CREB3L1: variants seen among roughly 807,000 people sequenced by gnomAD.
The protein encoded by CREB3L1 is cyclic AMP-responsive element-binding protein 3-like protein 1.
CREB3L1 carries 33 observed loss-of-function variants against 54.5 expected under a neutral mutation model. That is an observed-to-expected ratio of 0.61 (90% confidence interval 0.46 to 0.81). The LOEUF (loss-of-function observed/expected upper bound fraction) is 0.81. Among genes scored for constraint, CREB3L1 ranks in the 30% least tolerant of loss-of-function variants. CREB3L1 has a pLI of 0.00. For missense variants in CREB3L1, 656 were observed against 673.3 expected, an observed-to-expected ratio of 0.97 and a Z score of 0.29; for synonymous variants, 284 against 286.4, an observed-to-expected ratio of 0.99 and a Z score of 0.08.
rs879070508 is a variant in CREB3L1 at position 46,321,392 on chromosome 11, CAAAAA to C, written c.*659_*663del. The C allele has an allele frequency of 4.4e-5, 6 of 137,854 alleles. No homozygotes were observed. The highest frequency in any genetic ancestry group is 2.6e-3 in the Middle Eastern group (1 of 386). 8.5% of individuals were successfully genotyped at this position (137,854 alleles called of 1,614,324 possible). Reference sequence around the variant, plus strand: ...AGCACATGCTTTAAGAAAGCAAAACCAAAAAAAAAAAAAAAAAGATGCAGCATCAA... The same window carrying C: ...AGCACATGCTTTAAGAAAGCAAAACCAAAAAAAAAAAAGATGCAGCATCAA... On this transcript the variant is annotated 3_prime_UTR_variant, in exon 12 of 12. Coordinates refer to ENST00000621158, the MANE Select transcript of CREB3L1 (RefSeq NM_052854.4).
chr11:46,301,670 A>C (rs984112679), intron 2 of CREB3L1, among the ~76,000 whole-genome samples: 3 of 151,818 alleles, frequency 2.0e-5, no homozygotes, highest in Non-Finnish European at 4.4e-5. Flanking sequence ...CCCAAAAAAA[A>C]AAAATAGACG....
At chr11:46,280,935 G>T (rs1471356617) in intron 1 of CREB3L1, among the ~76,000 whole-genome samples, 1 of 152,188 alleles carries the variant, frequency 6.6e-6, no homozygotes, top group Non-Finnish European at 1.5e-5. Context: ...TAAATCATGT[G>T]GAAATCATGT....
At chr11:46,318,058 A>T (rs761498927) in intron 10 of CREB3L1, among the ~76,000 whole-genome samples, 8 of 152,202 alleles carry the variant, frequency 5.3e-5, no homozygotes, top group Non-Finnish European at 1.2e-4. Context: ...CTCTACTAAA[A>T]ATACAAAACT....
chr11:46,288,598 A>C (rs1430801643), intron 1 of CREB3L1, among the ~76,000 whole-genome samples: 4 of 152,110 alleles, frequency 2.6e-5, no homozygotes, highest in African/African-American at 9.7e-5. Flanking sequence ...CTTTGGGTAA[A>C]GCCAAAAAGC....
chr11:46,304,407 G>A (rs1939347834), intron 2 of CREB3L1, among the ~76,000 whole-genome samples: 1 of 152,148 alleles, frequency 6.6e-6, no homozygotes, highest in Non-Finnish European at 1.5e-5. Context: ...GGAGGCAGAG[G>A]TTGCGGTGAA....
In CREB3L1 at chr11:46,278,443, G is replaced by C. The variant is rs1938913386; in HGVS notation, c.102+230G>C. On this transcript the variant is annotated intron_variant, in intron 1 of 11. Transcript: ENST00000621158. This position sits in a 1 kb window ranked among gnomAD's most constrained non-coding sequence, Gnocchi z 4.2. ...AGGGGGAAGGGGCCATCGAGGTATC[G>C]GGTCCGTCCGATCCTCGGATCTGAG... is the stretch of plus-strand genomic sequence containing the variant. Among the ~76,000 whole-genome samples, 1 of 152,316 alleles carries C rather than the reference G, an allele frequency of 6.6e-6. No homozygotes were observed. Among genetic ancestry groups the C allele is most frequent in the Admixed American group, 6.5e-5 (1 of 15,306 alleles).
chr11:46,309,991 C>T lies in CREB3L1; in HGVS notation c.519C>T (p.Ala173=), dbSNP rs1168717615. ...AGCTGGGCTTGTCTGTTCCTCAGGC[C>T]CCGGGAGAGATGACTCAGCTGCCAG... ...PLSRLPIPHQ[A]PGEMTQLPVI... Residue 173 remains alanine (A), a splice_region_variant and synonymous_variant, in exon 4 of 12, where the codon GCC becomes GCT. Coordinates refer to ENST00000621158, the MANE Select transcript of CREB3L1 (RefSeq NM_052854.4). The T allele has an allele frequency of 6.3e-7, 1 of 1,598,590 alleles. No homozygotes were observed. The highest frequency in any genetic ancestry group is 1.1e-5 in the South Asian group (1 of 87,886).
chr11:46,310,348 A>T (rs938959682), intron 4 of CREB3L1, among the ~76,000 whole-genome samples: 5 of 151,324 alleles, frequency 3.3e-5, no homozygotes, highest in Admixed American at 3.3e-4. Flanking sequence ...GCTCACTGCA[A>T]CCTCCCCATC....
intron 1 of CREB3L1, among the ~76,000 whole-genome samples, chr11:46,297,030 T>C (rs1939220649): frequency 6.6e-6 from 1 of 152,178 alleles, no homozygotes; most frequent in Admixed American, 6.5e-5. Flanking sequence ...CAAACCCTTA[T>C]CGCCTGAGAA....
At chr11:46,315,203 C>T (rs1440643272) in intron 8 of CREB3L1, 1 of 334,994 alleles carries the variant, frequency 3.0e-6, no homozygotes, top group South Asian at 2.8e-5. Context: ...CTCCTCTGTT[C>T]CCTGATTGGC....
intron 1 of CREB3L1, among the ~76,000 whole-genome samples, chr11:46,281,271 C>G (rs1343823719): frequency 2.0e-5 from 3 of 152,144 alleles, no homozygotes; most frequent in African/African-American, 7.2e-5. Context: ...TCCTTCAGCC[C>G]CTTGGCCAGT....
At position 46,316,254 on chromosome 11, in the gene CREB3L1, A is replaced by T. The variant is rs752726691; in HGVS notation, c.1032-32A>T. ...GAGGCAGAGATGCCTGCGGGGTCAA[A>T]GCCTGCCAGCTGACTGCTGTGCCCT... is the stretch of plus-strand genomic sequence containing the variant. On this transcript the variant is annotated intron_variant, in intron 8 of 11. Coordinates refer to ENST00000621158, the MANE Select transcript of CREB3L1 (RefSeq NM_052854.4). The T allele has an allele frequency of 1.5e-5, 21 of 1,441,070 alleles. No homozygotes were observed. In the East Asian group the frequency reaches 5.0e-4, roughly 34 times the overall value. The allele number at this position is 1,441,070 out of a possible 1,614,324, so 89.3% of individuals were successfully genotyped here. A position where few individuals can be genotyped will look rare whatever the true frequency, so the allele number is the denominator to read the frequency against.
chr11:46,314,485 T>TC (rs1196574351), intron 8 of CREB3L1, among the ~76,000 whole-genome samples: 2 of 151,882 alleles, frequency 1.3e-5, no homozygotes, highest in East Asian at 1.9e-4. Context: ...CTCCTGATTC[T>TC]CCCCCCTCAA....
At position 46,320,327 on chromosome 11, in the gene CREB3L1, C is replaced by A; in HGVS notation, c.1322C>A (p.Thr441Asn). 6.2e-7 allele frequency: 1 copy of A among 1,612,854 alleles called. No homozygotes were observed. ...GGCTTATGGGAAGATGGCCGCAGCA[C>A]CCTGCTGCCCATGGAGCCCCCAGAT... ...GAGLWEDGRS[T>N]LLPMEPPDGW... is the part of the protein sequence containing the mutation. Residue 441 changes from threonine to asparagine, a missense_variant, in exon 11 of 12, where the codon ACC becomes AAC. Transcript: ENST00000621158.
At chr11:46,292,442 G>A (rs2136340085) in intron 1 of CREB3L1, among the ~76,000 whole-genome samples, 1 of 152,322 alleles carries the variant, frequency 6.6e-6, no homozygotes, top group Admixed American at 6.5e-5. Context: ...ACCAATGCTA[G>A]GCTTTGCAGA....
intron 4 of CREB3L1, 134 bp downstream of exon 4, chr11:46,310,201 C>A: frequency 1.5e-6 from 1 of 659,240 alleles, no homozygotes; most frequent in Non-Finnish European, 2.7e-6. Flanking sequence ...CCCTGCCCTA[C>A]CCACTGTCCC....
rs1939645476 is a variant in CREB3L1 at position 46,321,026 on chromosome 11, C to A, written c.*280C>A. 1 of 611,168 alleles carries A rather than the reference C, an allele frequency of 1.6e-6. No individual in the cohort carries two copies. Among genetic ancestry groups the A allele is most frequent in the Admixed American group, 2.3e-5 (1 of 42,762 alleles). The allele number at this position is 611,168 out of a possible 1,614,324, so 37.9% of individuals were successfully genotyped here. On this transcript the variant is annotated 3_prime_UTR_variant, in exon 12 of 12. Transcript: ENST00000621158. ...CTCTCTCATATGCCCAACACGACCA[C>A]TGCCTCCCTGCCCCCACACCTGCAC...
chr11:46,309,432 T>G (rs7924718), intron 3 of CREB3L1, among the ~76,000 whole-genome samples: 32,336 of 152,188 alleles, frequency 0.21, 3,678 homozygotes, highest in African/African-American at 0.3. Flanking sequence ...AATGCATGTT[T>G]GTTAAAAATG....
chr11:46,292,176 G>C (rs1464848652), intron 1 of CREB3L1, among the ~76,000 whole-genome samples: 2 of 152,236 alleles, frequency 1.3e-5, no homozygotes, highest in Non-Finnish European at 2.9e-5. Flanking sequence ...CTTAGGGAAG[G>C]AAGAACAACC....
Sources: gnomAD v4.1 joint callset for allele counts (sites outside exome capture counted in the v4.1 genomes callset) on GRCh38, gnomAD v4.1.1 for gene constraint, Gnocchi (gnomAD v3.1) non-coding constraint, MANE v1.5 for transcripts, NCBI Gene and HGNC (gene_info 2026-07-23, HGNC 2026-07-21) for gene names.